RABGAP1L: variants seen among roughly 807,000 people sequenced by gnomAD.
RABGAP1L encodes the protein RAB GTPase activating protein 1 like, also known as rab GTPase-activating protein 1-like.
Under a neutral mutation model 137.7 loss-of-function variants are expected in RABGAP1L, and 63 were observed. The ratio of observed to expected loss-of-function variants is 0.46; its 90% CI spans 0.37 to 0.56. The LOEUF is 0.56. Ranked by LOEUF, RABGAP1L falls within the 20% of genes least tolerant of loss-of-function variation. RABGAP1L has a pLI of 0.00. For synonymous variants in RABGAP1L, 431 were observed against 433.7 expected, an observed-to-expected ratio of 0.99 and a Z score of 0.08; for missense variants, 1,095 against 1,244.0, an observed-to-expected ratio of 0.88 and a Z score of 1.80.
At chr1:174,689,874 G>A (rs1324110436) in intron 15 of RABGAP1L, among the ~76,000 whole-genome samples, 1 of 152,144 alleles carries the variant, frequency 6.6e-6, no homozygotes, top group Non-Finnish European at 1.5e-5. Context: ...TGATGGGACA[G>A]TAGGATGCTA....
intron 13 of RABGAP1L, among the ~76,000 whole-genome samples, chr1:174,405,870 T>G (rs1649204966): frequency 6.6e-6 from 1 of 151,840 alleles, no homozygotes; most frequent in Non-Finnish European, 1.5e-5. Context: ...CCCAGCTACT[T>G]GGGAGGCTGG....
At chr1:174,361,713 A>T (rs1314293154) in intron 11 of RABGAP1L, among the ~76,000 whole-genome samples, 1 of 152,158 alleles carries the variant, frequency 6.6e-6, no homozygotes, top group Non-Finnish European at 1.5e-5. Flanking sequence ...ATAAGATCGT[A>T]TCATCTGCAA....
At chr1:174,442,880 C>A (rs1654316261) in intron 13 of RABGAP1L, among the ~76,000 whole-genome samples, 1 of 151,994 alleles carries the variant, frequency 6.6e-6, no homozygotes, top group South Asian at 2.1e-4. Flanking sequence ...TTTTCCCTAC[C>A]CTTCCCAGCC....
intron 11 of RABGAP1L, among the ~76,000 whole-genome samples, chr1:174,353,366 A>G (rs1683357204): frequency 6.6e-6 from 1 of 152,106 alleles, no homozygotes; most frequent in African/African-American, 2.4e-5. Context: ...CTAGAATTAC[A>G]GGAATGGTGA....
chr1:174,169,064 A>G (rs1009653345), intron 1 of RABGAP1L, among the ~76,000 whole-genome samples: 4 of 152,220 alleles, frequency 2.6e-5, no homozygotes, highest in African/African-American at 9.6e-5. Flanking sequence ...TATTTTACAT[A>G]TGATAATGTA....
intron 7 of RABGAP1L, among the ~76,000 whole-genome samples, chr1:174,267,465 A>G (rs1674168785): frequency 6.6e-6 from 1 of 152,150 alleles, no homozygotes; most frequent in Non-Finnish European, 1.5e-5. Context: ...TATCAGTGTA[A>G]ATAAGGAAAG....
intron 13 of RABGAP1L, among the ~76,000 whole-genome samples, chr1:174,452,182 T>C (rs1655523148): frequency 6.6e-6 from 1 of 152,208 alleles, no homozygotes; most frequent in South Asian, 2.1e-4. Context: ...ATATTGTATT[T>C]TGTGGTAATT....
At chr1:174,778,869 C>G (rs537025800) in intron 18 of RABGAP1L, among the ~76,000 whole-genome samples, 4 of 152,182 alleles carry the variant, frequency 2.6e-5, no homozygotes, top group African/African-American at 9.7e-5. Flanking sequence ...GCTGGGATTA[C>G]AGGAGTGAGC....
chr1:174,384,707 T>C (rs1686595037), intron 12 of RABGAP1L, among the ~76,000 whole-genome samples: 1 of 152,166 alleles, frequency 6.6e-6, no homozygotes, highest in South Asian at 2.1e-4. Context: ...TGCAAAGTTA[T>C]GTCAAGTGCA....
At chr1:174,599,868 C>T (rs1670280655) in intron 13 of RABGAP1L, among the ~76,000 whole-genome samples, 1 of 152,002 alleles carries the variant, frequency 6.6e-6, no homozygotes, top group Non-Finnish European at 1.5e-5. Context: ...TGATATCTTT[C>T]TCTAGGTTTG....
intron 18 of RABGAP1L, among the ~76,000 whole-genome samples, chr1:174,774,410 G>T (rs1236715661): frequency 1.3e-5 from 2 of 152,042 alleles, no homozygotes; most frequent in African/African-American, 4.8e-5. Context: ...GGGCAACATA[G>T]TGAGATCTTG....
At chr1:174,769,844 C>T (rs1397320094) in intron 18 of RABGAP1L, among the ~76,000 whole-genome samples, 1 of 151,830 alleles carries the variant, frequency 6.6e-6, no homozygotes, top group Admixed American at 6.6e-5. Flanking sequence ...CAGAGCAAGA[C>T]TCCGTCTCAA....
chr1:174,186,167 T>C (rs1412563808), intron 1 of RABGAP1L, among the ~76,000 whole-genome samples: 1 of 151,976 alleles, frequency 6.6e-6, no homozygotes, highest in African/African-American at 2.4e-5. Context: ...AAAAAATTTC[T>C]TAAAAATTTT....
Position 174,519,233 on chromosome 1 carries a change from C to CAT in RABGAP1L, c.1711-118131_1711-118130dup, listed in dbSNP as rs751469590. Among the ~76,000 whole-genome samples the CAT allele has an allele frequency of 2.3e-3, 353 of 150,920 alleles. 1 individual carries two copies. The highest frequency in any genetic ancestry group is 7.4e-3 in the African/African-American group (302 of 41,072). ...ACATATATATATACACACACACACA[C>CAT]ATATATATATATTTATGTATATGAG... On this transcript the variant is annotated intron_variant, in intron 13 of 25. Transcript: ENST00000681986.
intron 15 of RABGAP1L, among the ~76,000 whole-genome samples, chr1:174,685,430 A>G (rs924337540): frequency 6.6e-5 from 10 of 151,070 alleles, no homozygotes; most frequent in Non-Finnish European, 1.3e-4. Flanking sequence ...CTTTTTGTAT[A>G]TTTTAGTAGA....
chr1:174,750,045 A>G (rs1420202132), intron 17 of RABGAP1L, among the ~76,000 whole-genome samples: 2 of 151,706 alleles, frequency 1.3e-5, no homozygotes, highest in African/African-American at 2.4e-5. Flanking sequence ...AATTTTTTGT[A>G]TTTTTAGTAG....
At chr1:174,841,480 T>G (rs776945073) in intron 19 of RABGAP1L, among the ~76,000 whole-genome samples, 18 of 151,998 alleles carry the variant, frequency 1.2e-4, no homozygotes, top group Non-Finnish European at 2.1e-4. Context: ...GGCACTTATC[T>G]TAATGAAGAA....
At chr1:174,352,008 C>T (rs1683241125) in intron 11 of RABGAP1L, among the ~76,000 whole-genome samples, 1 of 152,082 alleles carries the variant, frequency 6.6e-6, no homozygotes, top group Admixed American at 6.5e-5. Flanking sequence ...CAGGGTTTCA[C>T]TGTGTTAGCC....
At chr1:174,227,952 C>T (rs979878014) in intron 3 of RABGAP1L, among the ~76,000 whole-genome samples, 21 of 149,186 alleles carry the variant, frequency 1.4e-4, no homozygotes, top group Non-Finnish European at 3.1e-4. Flanking sequence ...CTTCAGTTTT[C>T]TATCATTTTC....
Sources: allele counts gnomAD v4.1 joint callset (sites outside exome capture counted in the v4.1 genomes callset), GRCh38; gene constraint gnomAD v4.1.1; transcripts MANE v1.5; gene names NCBI Gene and HGNC (gene_info 2026-07-23, HGNC 2026-07-21).